The following TMCC1 variants were observed in gnomAD, a reference collection of about 807,000 sequenced individuals.
The protein encoded by TMCC1 is transmembrane and coiled-coil domain family 1.
A neutral mutation model predicts 52.4 loss-of-function variants in TMCC1; 15 were observed. That is an observed-to-expected ratio of 0.29 (90% confidence interval 0.19 to 0.44). TMCC1 has a LOEUF of 0.44. TMCC1 is among the 20% of genes least tolerant of loss of function. TMCC1 has a pLI of 1.00. For synonymous variants in TMCC1, 279 were observed against 301.9 expected (o/e 0.92, Z 0.79); for missense variants, 503 against 806.0 (o/e 0.62, Z 4.55).
chr3:129,730,412 A>G (rs1464341230), intron 4 of TMCC1, among the ~76,000 whole-genome samples: 1 of 152,178 alleles, frequency 6.6e-6, no homozygotes, highest in Non-Finnish European at 1.5e-5. Context: ...TGAAAACACT[A>G]TCCTTTCTCC....
rs2086280705 is a variant in TMCC1 at position 129,650,825 on chromosome 3, T to G, written c.*656A>C. ...TATTTAGAGGGCTACTTAAAAATAC[T>G]GTAGTAGGACTGTGCAGTGATCCTT... On this transcript the variant is annotated 3_prime_UTR_variant, in exon 7 of 7. Transcript: ENST00000393238. 1 of 152,670 alleles carries G rather than the reference T, an allele frequency of 6.6e-6. No homozygotes were observed. Among genetic ancestry groups the G allele is most frequent in the Non-Finnish European group, 1.5e-5 (1 of 68,058 alleles). 9.5% of individuals were successfully genotyped at this position (152,670 alleles called of 1,614,324 possible). A position where few individuals can be genotyped will look rare whatever the true frequency, so the allele number is the denominator to read the frequency against.
chr3:129,726,146 G>A (rs1202614162), intron 4 of TMCC1, among the ~76,000 whole-genome samples: 1 of 152,190 alleles, frequency 6.6e-6, no homozygotes, highest in East Asian at 1.9e-4. Context: ...CTTATCTGTA[G>A]AGGAGAAGTA....
At chr3:129,836,369 T>C (rs1270582963) in intron 2 of TMCC1, among the ~76,000 whole-genome samples, 1 of 152,050 alleles carries the variant, frequency 6.6e-6, no homozygotes, top group Non-Finnish European at 1.5e-5. Context: ...AATAAGACAT[T>C]AATATGACAC....
intron 4 of TMCC1, among the ~76,000 whole-genome samples, chr3:129,793,018 C>T (rs1341193178): frequency 6.6e-6 from 1 of 152,168 alleles, no homozygotes; most frequent in Admixed American, 6.5e-5. Context: ...AACTATCAGA[C>T]ACTCTTGTGC....
intron 4 of TMCC1, among the ~76,000 whole-genome samples, chr3:129,683,671 T>G (rs941400399): frequency 6.6e-6 from 1 of 152,206 alleles, no homozygotes; most frequent in African/African-American, 2.4e-5. Context: ...GCTTTTAGTA[T>G]ACCTATCACC....
At chr3:129,827,616 A>C in intron 4 of TMCC1, 187 bp downstream of exon 4, 1 of 635,162 alleles carries the variant, frequency 1.6e-6, no homozygotes, top group Non-Finnish European at 2.7e-6. Flanking sequence ...AGGAAATAGG[A>C]ATATAATTCT....
chr3:129,710,142 C>T lies in TMCC1; in HGVS notation c.577-38878G>A, dbSNP rs144500427. ...TGGAGGTTGTGGTGGGCTGAGATCG[C>T]GCCACTGCTTTCCAGCCTGGGCGAC... On this transcript the variant is annotated intron_variant, in intron 4 of 6. Transcript: ENST00000393238. Among the ~76,000 whole-genome samples, 1,030 of 152,032 alleles carry T rather than the reference C, an allele frequency of 6.8e-3. 11 individuals carry two copies. The highest frequency in any genetic ancestry group is 0.024 in the African/African-American group (983 of 41,460).
rs1202135271 is a variant in TMCC1, at chr3:129,828,088, G to A, written c.291C>T (p.Thr97=). ...NACAEIDGVP[T]HPTALNRVLQ... The stretch of plus-strand genomic sequence containing the variant: ...GGACACGATTCAGAGCTGTGGGGTG[G>A]GTGGGGACACCATCAATCTCAGCAC... Residue 97 remains threonine, a synonymous_variant, in exon 4 of 7, where the codon ACC becomes ACT. Transcript: ENST00000393238. The surrounding 1 kb of genome is among the most constrained non-coding windows in gnomAD (Gnocchi z 4.1). The A allele has an allele frequency of 6.2e-7, 1 of 1,614,120 alleles. No individual in the cohort carries two copies. Among genetic ancestry groups the A allele is most frequent in the Non-Finnish European group, 8.5e-7 (1 of 1,180,024 alleles).
intron 4 of TMCC1, among the ~76,000 whole-genome samples, chr3:129,726,425 T>C (rs1361910036): frequency 6.6e-6 from 1 of 152,180 alleles, no homozygotes; most frequent in East Asian, 1.9e-4. Context: ...TCCTCTACAA[T>C]ACGGTCTCGC....
In TMCC1 at chr3:129,706,679, G is replaced by C. The variant is rs2048270109; in HGVS notation, c.577-35415C>G. Among the ~76,000 whole-genome samples the C allele has an allele frequency of 3.3e-5, 5 of 152,108 alleles. No homozygotes were observed. The South Asian group carries it at 1.0e-3, about 32-fold the overall frequency. ...TCCTAAACTTTTAGAAGTGAAATTA[G>C]GACCAAGAGCCACAGTTCAACCACC... On this transcript the variant is annotated intron_variant, in intron 4 of 6. Coordinates refer to ENST00000393238, the MANE Select transcript of TMCC1 (RefSeq NM_001017395.5).
At chr3:129,726,942 C>T (rs1000961376) in intron 4 of TMCC1, among the ~76,000 whole-genome samples, 30 of 143,192 alleles carry the variant, frequency 2.1e-4, no homozygotes, top group African/African-American at 4.6e-4. Flanking sequence ...AGTACAAAAC[C>T]CTAGTCTTTG....
intron 5 of TMCC1, among the ~76,000 whole-genome samples, chr3:129,664,969 C>T (rs1043116589): frequency 4.6e-5 from 7 of 152,108 alleles, no homozygotes; most frequent in African/African-American, 1.7e-4. Flanking sequence ...TCTAAGGGTC[C>T]CTTCTACTTC....
intron 5 of TMCC1, among the ~76,000 whole-genome samples, chr3:129,661,696 G>T (rs2108863363): frequency 1.3e-5 from 2 of 151,896 alleles, no homozygotes; most frequent in Middle Eastern, 3.4e-3. Flanking sequence ...CCAGCTACTT[G>T]GGAGGCTGAG....
intron 4 of TMCC1, among the ~76,000 whole-genome samples, chr3:129,795,469 C>CA (rs1053464813): frequency 3.3e-5 from 5 of 150,804 alleles, no homozygotes; most frequent in African/African-American, 1.2e-4. Flanking sequence ...ATTTTTTTTC[C>CA]CTGTTCCAGT....
chr3:129,838,910 C>T (rs999634318), intron 2 of TMCC1, among the ~76,000 whole-genome samples: 3 of 152,092 alleles, frequency 2.0e-5, no homozygotes, highest in South Asian at 2.1e-4. Flanking sequence ...TCAGAAACTT[C>T]GTAAGACAGT....
intron 4 of TMCC1, among the ~76,000 whole-genome samples, chr3:129,821,120 G>C (rs576274752): frequency 1.7e-4 from 26 of 152,182 alleles, no homozygotes; most frequent in African/African-American, 6.3e-4. Context: ...TTGACAGCCT[G>C]TATCATTCTA....
At chr3:129,824,259 C>T (rs998963156) in intron 4 of TMCC1, among the ~76,000 whole-genome samples, 4 of 152,102 alleles carry the variant, frequency 2.6e-5, no homozygotes, top group Admixed American at 2.6e-4. Flanking sequence ...TTGCTTGAAA[C>T]TGGGAGGTGG....
intron 4 of TMCC1, among the ~76,000 whole-genome samples, chr3:129,750,474 G>A (rs1028638033): frequency 1.6e-4 from 25 of 152,004 alleles, no homozygotes; most frequent in African/African-American, 5.3e-4. Context: ...TTACGGGCAT[G>A]AGCCACCGTG....
intron 2 of TMCC1, among the ~76,000 whole-genome samples, chr3:129,858,908 T>A (rs933070367): frequency 1.3e-5 from 2 of 152,238 alleles, no homozygotes; most frequent in Non-Finnish European, 2.9e-5. Flanking sequence ...TTTCTTCTGA[T>A]AGCTTTAATA....
Sources: allele counts gnomAD v4.1 joint callset (sites outside exome capture counted in the v4.1 genomes callset), GRCh38; gene constraint gnomAD v4.1.1; non-coding constraint Gnocchi (gnomAD v3.1); transcripts MANE v1.5; gene names NCBI Gene and HGNC (gene_info 2026-07-23, HGNC 2026-07-21).